Variants in PDZD2 observed in about 807,000 individuals in gnomAD.
PDZD2 encodes PDZ domain-containing protein 2.
PDZD2 carries 90 observed loss-of-function variants against 220.7 expected under a neutral mutation model. That is an observed-to-expected ratio of 0.41 (90% CI 0.34 to 0.49). The LOEUF (loss-of-function observed/expected upper bound fraction) is 0.49, where lower values mean the gene tolerates loss of function less well. PDZD2 is among the 20% of genes least tolerant of loss of function. PDZD2 has a pLI of 0.28. For synonymous variants in PDZD2, 1,375 were observed against 1,450.5 expected (o/e 0.95, Z 1.18); for missense variants, 3,174 against 3,608.5 (o/e 0.88, Z 3.08).
rs557219282 is a variant in PDZD2 at position 31,645,904 on chromosome 5, G to A, written c.-361+6467G>A. ...CAGTGGGAGTTGTACTGGGAGGAGG[G>A]TGGGAGAGATGGTAAGTTTGGATCT... is the stretch of plus-strand genomic sequence containing the variant. On this transcript the variant is annotated intron_variant, in intron 1 of 24. Transcript: ENST00000438447. 1.1e-4 allele frequency among the ~76,000 whole-genome samples: 17 copies of A among 152,154 alleles called. No individual in the cohort carries two copies. In the East Asian group the frequency reaches 3.1e-3, roughly 28 times the overall value.
chr5:31,853,555 T>C (rs1398488757), intron 2 of PDZD2, among the ~76,000 whole-genome samples: 2 of 152,138 alleles, frequency 1.3e-5, no homozygotes, highest in South Asian at 2.1e-4. Context: ...CTTCTGAGAG[T>C]GGGCAGATTT....
intron 2 of PDZD2, among the ~76,000 whole-genome samples, chr5:31,925,692 A>C (rs1744692317): frequency 6.6e-6 from 1 of 151,852 alleles, no homozygotes; most frequent in Admixed American, 6.6e-5. Flanking sequence ...GGGATAAAAT[A>C]TTTGCAAACT....
At chr5:31,666,190 C>T (rs1176991476) in intron 1 of PDZD2, among the ~76,000 whole-genome samples, 2 of 152,166 alleles carry the variant, frequency 1.3e-5, no homozygotes, top group Non-Finnish European at 2.9e-5. Flanking sequence ...GAAACATCCT[C>T]TTTGACCAGG....
Position 32,059,318 on chromosome 5 carries a change from T to C in PDZD2, c.2280T>C (p.Leu760=), listed in dbSNP as rs1739455334. The stretch of plus-strand genomic sequence containing the variant: ...CTCCTGGCATCTACATTCACAGCCT[T>C]GCTCCAGGATCAGTGGCCAAGATGG... ...NSPPGIYIHS[L]APGSVAKMES... Residue 760 remains leucine, a synonymous_variant, in exon 13 of 25, where the codon CTT becomes CTC. Transcript: ENST00000438447. The C allele has an allele frequency of 6.2e-7, 1 of 1,612,866 alleles. No individual in the cohort carries two copies. Among genetic ancestry groups the C allele is most frequent in the South Asian group, 1.1e-5 (1 of 91,058 alleles).
At position 32,047,222 on chromosome 5, in the gene PDZD2, G is replaced by A. The variant is rs117545475; in HGVS notation, c.1520-1317G>A. 6.0e-5 allele frequency among the ~76,000 whole-genome samples: 9 copies of A among 149,868 alleles called. No homozygotes were observed. The East Asian group carries it at 1.6e-3, about 26-fold the overall frequency. On this transcript the variant is annotated intron_variant, in intron 7 of 24. Transcript: ENST00000438447. The stretch of plus-strand genomic sequence containing the variant: ...TGATCTCGTTAGTCATCAGTGAAAT[G>A]CAATTTAAAAAAAACAAATGAATAC...
At chr5:31,861,064 C>T (rs1395025771) in intron 2 of PDZD2, among the ~76,000 whole-genome samples, 1 of 152,150 alleles carries the variant, frequency 6.6e-6, no homozygotes, top group East Asian at 1.9e-4. Flanking sequence ...CGTGGAGTTT[C>T]TAGGGAAGGT....
chr5:31,869,196 T>G (rs1290954665), intron 2 of PDZD2, among the ~76,000 whole-genome samples: 2 of 152,232 alleles, frequency 1.3e-5, no homozygotes, highest in East Asian at 3.8e-4. Context: ...CAAATCCATT[T>G]ACTTCTACTG....
chr5:32,031,548 A>G (rs1344478463), intron 6 of PDZD2, among the ~76,000 whole-genome samples: 1 of 152,060 alleles, frequency 6.6e-6, no homozygotes, highest in Non-Finnish European at 1.5e-5. Flanking sequence ...AGAAGATGGC[A>G]TGTCTTTGGA....
chr5:32,071,375 C>T lies in PDZD2; in HGVS notation c.2534-9C>T. 6.2e-7 allele frequency: 1 copy of T among 1,600,638 alleles called. No homozygotes were observed. Among genetic ancestry groups the T allele is most frequent in the Non-Finnish European group, 8.6e-7 (1 of 1,167,694 alleles). On this transcript the variant is annotated splice_polypyrimidine_tract_variant and intron_variant, in intron 15 of 24. Transcript: ENST00000438447. ...GTTTTGACAATATGGTGAATTTTCC[C>T]TCCAACAGGTACCCCCTTGAAGAGT...
intron 2 of PDZD2, among the ~76,000 whole-genome samples, chr5:31,957,536 A>T (rs1372828512): frequency 6.6e-6 from 1 of 152,218 alleles, no homozygotes; most frequent in African/African-American, 2.4e-5. Flanking sequence ...AGCCGGTACT[A>T]AGTGGGAGAA....
intron 2 of PDZD2, among the ~76,000 whole-genome samples, chr5:31,834,126 G>A (rs1348612693): frequency 1.8e-4 from 27 of 152,240 alleles, no homozygotes; most frequent in Non-Finnish European, 2.9e-5. Context: ...AGAAGCACTG[G>A]AAGCTAAGCC....
intron 2 of PDZD2, among the ~76,000 whole-genome samples, chr5:31,804,466 A>G (rs7731219): frequency 0.02 from 3,094 of 152,350 alleles, 45 homozygotes; most frequent in Non-Finnish European, 0.027. Context: ...TTTCTACCGT[A>G]GAGGATGTCT....
intron 2 of PDZD2, among the ~76,000 whole-genome samples, chr5:31,825,638 C>A (rs184229653): frequency 5.3e-5 from 8 of 152,166 alleles, no homozygotes; most frequent in Admixed American, 1.3e-4. Flanking sequence ...TTTTTCCAGA[C>A]CTTTTTTCAA....
intron 20 of PDZD2, 105 bp downstream of exon 20, chr5:32,091,280 T>A: frequency 1.8e-3 from 186 of 105,560 alleles, no homozygotes; most frequent in Non-Finnish European, 2.7e-3. Flanking sequence ...TCCCACTTAC[T>A]TTTTTTTTTT....
At chr5:32,069,392 T>G (rs1740542981) in intron 14 of PDZD2, among the ~76,000 whole-genome samples, 177 bp from the exon 15 acceptor site, 1 of 152,156 alleles carries the variant, frequency 6.6e-6, no homozygotes, top group Non-Finnish European at 1.5e-5. Context: ...TCTTGTTATG[T>G]GTGTGTTGCT....
chr5:32,076,326 G>A (rs1333893879), intron 18 of PDZD2, among the ~76,000 whole-genome samples: 1 of 149,928 alleles, frequency 6.7e-6, no homozygotes, highest in East Asian at 1.9e-4. Flanking sequence ...ACAAGTTTTG[G>A]ATAACTGTAT....
intron 1 of PDZD2, among the ~76,000 whole-genome samples, chr5:31,684,574 T>C (rs1746777401): frequency 4.6e-5 from 7 of 152,060 alleles, no homozygotes; most frequent in Admixed American, 4.6e-4. Flanking sequence ...TTTTTTTTTT[T>C]TTTAGATGTT....
intron 2 of PDZD2, among the ~76,000 whole-genome samples, chr5:31,866,538 G>A (rs1489393032): frequency 1.3e-5 from 2 of 152,010 alleles, no homozygotes; most frequent in Admixed American, 6.5e-5. Context: ...CCTCCCCGAC[G>A]ATACTCTCCC....
At chr5:31,691,029 T>A (rs927644866) in intron 1 of PDZD2, among the ~76,000 whole-genome samples, 2 of 152,180 alleles carry the variant, frequency 1.3e-5, no homozygotes, top group Non-Finnish European at 2.9e-5. Flanking sequence ...GTGTCCAGAA[T>A]TGGTGGGTTC....
Sources: gnomAD v4.1 joint callset for allele counts (sites outside exome capture counted in the v4.1 genomes callset) on GRCh38, gnomAD v4.1.1 for gene constraint, MANE v1.5 for transcripts, NCBI Gene and HGNC (gene_info 2026-07-23, HGNC 2026-07-21) for gene names.